CAMKMT: variants seen among roughly 807,000 people sequenced by gnomAD.
The protein encoded by CAMKMT is calmodulin-lysine N-methyltransferase.
Under a neutral mutation model 48.0 loss-of-function variants are expected in CAMKMT, and 53 were observed. The observed-to-expected ratio is 1.10, with a 90% CI of 0.89 to 1.39. The LOEUF is 1.39. Among genes scored for constraint, CAMKMT ranks in the 40% most tolerant of loss-of-function variants. CAMKMT has a pLI of 0.00. For missense variants in CAMKMT, 428 were observed against 402.7 expected, an observed-to-expected ratio of 1.06 and a Z score of -0.54; for synonymous variants, 165 against 152.3, an observed-to-expected ratio of 1.08 and a Z score of -0.61.
chr2:44,533,776 A>G (rs79469214), intron 3 of CAMKMT, among the ~76,000 whole-genome samples: 1,916 of 152,320 alleles, frequency 0.013, 22 homozygotes, highest in Non-Finnish European at 0.02. Context: ...GTTACCGCTA[A>G]AGAAAAACAC....
chr2:44,362,165 C>T lies in CAMKMT; in HGVS notation c.138+20C>T. 1 of 1,454,052 alleles carries T rather than the reference C, an allele frequency of 6.9e-7. No homozygotes were observed. The highest frequency in any genetic ancestry group is 9.0e-7 in the Non-Finnish European group (1 of 1,115,298). 90.1% of individuals were successfully genotyped at this position (1,454,052 alleles called of 1,614,324 possible). A position where few individuals can be genotyped will look rare whatever the true frequency, so the allele number is the denominator to read the frequency against. On this transcript the variant is annotated intron_variant, in intron 1 of 10. Coordinates refer to ENST00000378494, the MANE Select transcript of CAMKMT (RefSeq NM_024766.5). Reference sequence around the variant, plus strand: ...CGGCAGGTAAGGGAGAACCTGCTCGCCTCACCTTTGCCTCTGGTCACTCCT... The same window carrying T: ...CGGCAGGTAAGGGAGAACCTGCTCGTCTCACCTTTGCCTCTGGTCACTCCT...
At chr2:44,638,232 GTTTC>G (rs1483532883) in intron 3 of CAMKMT, among the ~76,000 whole-genome samples, 1 of 151,990 alleles carries the variant, frequency 6.6e-6, no homozygotes, top group African/African-American at 2.4e-5. Flanking sequence ...TATTTCTCTT[GTTTC>G]TTTCAACATT....
intron 7 of CAMKMT, among the ~76,000 whole-genome samples, chr2:44,717,842 T>TAAA (rs200492421): frequency 7.6e-6 from 1 of 131,842 alleles, no homozygotes; most frequent in Non-Finnish European, 1.7e-5. Context: ...AAATGGTATT[T>TAAA]AAAAAAAAAA....
At chr2:44,530,881 C>G (rs1666448142) in intron 3 of CAMKMT, among the ~76,000 whole-genome samples, 1 of 151,828 alleles carries the variant, frequency 6.6e-6, no homozygotes, top group Non-Finnish European at 1.5e-5. Context: ...ATTTTTAAAT[C>G]TAGAGGTTTA....
chr2:44,378,629 G>A (rs1219437913), intron 2 of CAMKMT, among the ~76,000 whole-genome samples: 1 of 152,112 alleles, frequency 6.6e-6, no homozygotes, highest in African/African-American at 2.4e-5. Context: ...GATTAGCTGG[G>A]ACTACAGGCA....
chr2:44,698,591 G>A (rs1558803231), intron 3 of CAMKMT, among the ~76,000 whole-genome samples: 1 of 152,208 alleles, frequency 6.6e-6, no homozygotes, highest in Non-Finnish European at 1.5e-5. Context: ...AAATACTAAT[G>A]ATTATCTGAG....
At chr2:44,525,711 A>G (rs1037925815) in intron 3 of CAMKMT, among the ~76,000 whole-genome samples, 2 of 152,146 alleles carry the variant, frequency 1.3e-5, no homozygotes, top group African/African-American at 4.8e-5. Context: ...TATTTTATAG[A>G]TGAGAAACTG....
intron 7 of CAMKMT, among the ~76,000 whole-genome samples, chr2:44,720,051 C>A (rs1043210030): frequency 5.3e-5 from 8 of 152,182 alleles, no homozygotes; most frequent in African/African-American, 1.9e-4. Context: ...TAACATAACA[C>A]TGTTGATTTG....
At chr2:44,564,245 A>T (rs1405668342) in intron 3 of CAMKMT, among the ~76,000 whole-genome samples, 3 of 145,926 alleles carry the variant, frequency 2.1e-5, no homozygotes, top group Non-Finnish European at 4.5e-5. Context: ...GCTCAATTTC[A>T]TTTCACTGTA....
intron 1 of CAMKMT, among the ~76,000 whole-genome samples, chr2:44,363,764 A>G (rs77836454): frequency 1.4e-5 from 2 of 143,842 alleles, no homozygotes; most frequent in African/African-American, 5.3e-5. Flanking sequence ...ATCTCGGCTC[A>G]CTGCAGCCTC....
chr2:44,755,289 T>A (rs1680324930), intron 9 of CAMKMT, among the ~76,000 whole-genome samples: 1 of 152,184 alleles, frequency 6.6e-6, no homozygotes, highest in African/African-American at 2.4e-5. Context: ...AAGGGGCATG[T>A]TCCAAGCTAT....
intron 3 of CAMKMT, among the ~76,000 whole-genome samples, chr2:44,479,213 T>C (rs1668846241): frequency 6.6e-6 from 1 of 152,234 alleles, no homozygotes; most frequent in African/African-American, 2.4e-5. Context: ...GGACTAATTA[T>C]GGTAACAGAC....
At chr2:44,680,027 C>T (rs1675930611) in intron 3 of CAMKMT, among the ~76,000 whole-genome samples, 2 of 152,232 alleles carry the variant, frequency 1.3e-5, no homozygotes, top group African/African-American at 4.8e-5. Flanking sequence ...GCCATTACTC[C>T]TAGCAAATGT....
At chr2:44,650,905 C>T (rs1674022039) in intron 3 of CAMKMT, among the ~76,000 whole-genome samples, 2 of 151,430 alleles carry the variant, frequency 1.3e-5, no homozygotes, top group African/African-American at 4.8e-5. Flanking sequence ...ACGAATAATT[C>T]AGACAATAGA....
intron 2 of CAMKMT, among the ~76,000 whole-genome samples, chr2:44,388,613 T>C (rs1681010818): frequency 6.6e-6 from 1 of 152,226 alleles, no homozygotes. Context: ...GTTGTTTTTC[T>C]GGTTCCTTCT....
intron 3 of CAMKMT, among the ~76,000 whole-genome samples, chr2:44,429,886 G>T (rs1381458183): frequency 1.3e-5 from 2 of 151,134 alleles, no homozygotes; most frequent in African/African-American, 4.9e-5. Context: ...AATTATGTAG[G>T]GTCTCATTAT....
chr2:44,375,297 G>A (rs975154971), intron 2 of CAMKMT, among the ~76,000 whole-genome samples: 58 of 150,812 alleles, frequency 3.8e-4, no homozygotes, highest in Admixed American at 3.2e-3. Context: ...TTAATCAGCA[G>A]TAATGATGAT....
At chr2:44,703,246 C>T (rs1419979648) in intron 3 of CAMKMT, among the ~76,000 whole-genome samples, 4 of 152,208 alleles carry the variant, frequency 2.6e-5, no homozygotes, top group Non-Finnish European at 4.4e-5. Context: ...ATCCTACCAT[C>T]CTGTGATAAC....
intron 3 of CAMKMT, among the ~76,000 whole-genome samples, chr2:44,460,924 T>C (rs963042168): frequency 6.6e-6 from 1 of 152,040 alleles, no homozygotes; most frequent in Non-Finnish European, 1.5e-5. Context: ...CTTTTTGCCA[T>C]GTTGGCCAGG....
Sources: allele counts gnomAD v4.1 joint callset (sites outside exome capture counted in the v4.1 genomes callset), GRCh38; gene constraint gnomAD v4.1.1; transcripts MANE v1.5; gene names NCBI Gene and HGNC (gene_info 2026-07-23, HGNC 2026-07-21).